Variants in KGD4 observed in about 807,000 individuals in gnomAD.
The protein encoded by KGD4 is alpha-ketoglutarate dehydrogenase component 4.
At chr5:69,219,828 AAATAAAT>A in the KGD4 span, among the ~76,000 whole-genome samples, 12 of 152,332 alleles carry the variant, frequency 7.9e-5, no homozygotes, top group African/African-American at 2.9e-4. Flanking sequence ...TGGTCTCGAA[AAATAAAT>A]AATAAAGTAT....
At chr5:69,226,992 A>G in the KGD4 span, among the ~76,000 whole-genome samples, 1 of 152,006 alleles carries the variant, frequency 6.6e-6, no homozygotes, top group Non-Finnish European at 1.5e-5. Flanking sequence ...GTGCTTCAGC[A>G]TCCTTAGTAG....
the KGD4 span, chr5:69,228,155 T>A: frequency 2.8e-6 from 4 of 1,450,834 alleles, no homozygotes; most frequent in Non-Finnish European, 3.7e-6. Flanking sequence ...TATTTTGACA[T>A]CTGAACAATT....
chr5:69,221,188 T>TAA, the KGD4 span, among the ~76,000 whole-genome samples: 5,134 of 130,972 alleles, frequency 0.039, 352 homozygotes, highest in African/African-American at 0.14. Flanking sequence ...CAATAAATAC[T>TAA]AAAAAAAAAA....
chr5:69,220,226 C>CA, the KGD4 span, among the ~76,000 whole-genome samples: 378 of 124,084 alleles, frequency 3.0e-3, no homozygotes, highest in Admixed American at 4.4e-3. Flanking sequence ...GACCCTGACT[C>CA]AAAAAAAAAA....
At chr5:69,222,921 G>A in the KGD4 span, among the ~76,000 whole-genome samples, 7 of 150,960 alleles carry the variant, frequency 4.6e-5, no homozygotes, top group Non-Finnish European at 1.5e-5. Context: ...GATTACAGGC[G>A]CCCACCACCA....
At chr5:69,218,110 A>AG in the KGD4 span, 1 of 619,918 alleles carries the variant, frequency 1.6e-6, no homozygotes, top group Admixed American at 2.9e-5. Context: ...GCATCTTGGC[A>AG]GGTAGGTCCT....
At chr5:69,228,521 G>C in the KGD4 span, 8 of 802,112 alleles carry the variant, frequency 1.0e-5, no homozygotes, top group Non-Finnish European at 1.6e-5. Context: ...AGGATGGTCA[G>C]GTAGGCCAAG....
At chr5:69,226,513 A>T in the KGD4 span, 6 of 767,484 alleles carry the variant, frequency 7.8e-6, no homozygotes, top group Non-Finnish European at 1.3e-5. Flanking sequence ...AGACTATTGT[A>T]GCTTAGATCA....
the KGD4 span, among the ~76,000 whole-genome samples, chr5:69,219,136 C>T: frequency 1.3e-5 from 2 of 152,142 alleles, no homozygotes; most frequent in Non-Finnish European, 2.9e-5. Context: ...AAAATTTAGA[C>T]GTCAGTGGTG....
At chr5:69,227,141 G>A in the KGD4 span, among the ~76,000 whole-genome samples, 3 of 152,138 alleles carry the variant, frequency 2.0e-5, no homozygotes, top group Admixed American at 2.0e-4. Context: ...AAAGTGCTGG[G>A]ATTACAGGCA....
At chr5:69,228,477 T>C in the KGD4 span, 5 of 1,280,282 alleles carry the variant, frequency 3.9e-6, no homozygotes, top group Admixed American at 2.4e-5. Flanking sequence ...ATGCTATTCC[T>C]ATTGTCTTGT....
the KGD4 span, among the ~76,000 whole-genome samples, chr5:69,219,554 C>G: frequency 6.6e-6 from 1 of 152,126 alleles, no homozygotes; most frequent in African/African-American, 2.4e-5. Flanking sequence ...CAAAGCAATA[C>G]TAACAGCTGA....
chr5:69,222,587 G>A, the KGD4 span, among the ~76,000 whole-genome samples: 2 of 152,092 alleles, frequency 1.3e-5, no homozygotes, highest in Non-Finnish European at 2.9e-5. Flanking sequence ...CTTCTTTTAA[G>A]TTGTAGAGAG....
At chr5:69,217,798 C>G in the KGD4 span, 1 of 1,613,012 alleles carries the variant, frequency 6.2e-7, no homozygotes, top group Non-Finnish European at 8.5e-7. Context: ...GCGGCTCGCT[C>G]GCGCCCCGGA....
chr5:69,229,526 C>T, the KGD4 span: 1 of 246,808 alleles, frequency 4.1e-6, no homozygotes, highest in Non-Finnish European at 7.7e-6. Context: ...TAAAAGCACA[C>T]AATGTGTAGT....
the KGD4 span, among the ~76,000 whole-genome samples, chr5:69,224,389 C>CA: frequency 1.8e-3 from 252 of 138,176 alleles, 2 homozygotes; most frequent in South Asian, 7.7e-3. Context: ...GACTCCATCT[C>CA]AAAAAAAAAA....
At chr5:69,226,479 T>C in the KGD4 span, 1 of 980,698 alleles carries the variant, frequency 1.0e-6, no homozygotes, top group Admixed American at 2.2e-5. Context: ...TTATAGGCAA[T>C]ATTTCTCATT....
chr5:69,218,372 CG>C, the KGD4 span, among the ~76,000 whole-genome samples: 2 of 152,216 alleles, frequency 1.3e-5, no homozygotes, highest in Admixed American at 1.3e-4. Flanking sequence ...CTCGCCGGAG[CG>C]GGTTCTCCCC....
chr5:69,223,977 G>A, the KGD4 span, among the ~76,000 whole-genome samples: 9 of 149,902 alleles, frequency 6.0e-5, no homozygotes, highest in South Asian at 1.7e-3. Flanking sequence ...AGGTTGCAGT[G>A]AGCCATGATT....
Sources: allele counts gnomAD v4.1 joint callset (sites outside exome capture counted in the v4.1 genomes callset), GRCh38; gene constraint gnomAD v4.1.1; transcripts MANE v1.5; gene names NCBI Gene and HGNC (gene_info 2026-07-23, HGNC 2026-07-21).